Variants in FOXN3 observed in about 807,000 individuals in gnomAD.
FOXN3 encodes the protein forkhead box N3, also known as forkhead box protein N3.
Under a neutral mutation model 38.4 loss-of-function variants are expected in FOXN3, and 7 were observed. The ratio of observed to expected loss-of-function variants is 0.18; its 90% CI spans 0.10 to 0.34. FOXN3 has a LOEUF of 0.34. FOXN3 is among the 10% of genes least tolerant of loss of function. FOXN3 has a pLI of 1.00. For synonymous variants in FOXN3, 230 were observed against 242.2 expected, an observed-to-expected ratio of 0.95 and a Z score of 0.47; for missense variants, 456 against 613.4, an observed-to-expected ratio of 0.74 and a Z score of 2.71.
intron 1 of FOXN3, among the ~76,000 whole-genome samples, chr14:89,608,218 G>C (rs764644024): frequency 6.6e-6 from 1 of 152,270 alleles, no homozygotes; most frequent in African/African-American, 2.4e-5. Flanking sequence ...GGATGGTCTC[G>C]ATCTCCCGAC....
intron 1 of FOXN3, among the ~76,000 whole-genome samples, chr14:89,487,189 G>T (rs1194585685): frequency 6.6e-6 from 1 of 152,186 alleles, no homozygotes; most frequent in Non-Finnish European, 1.5e-5. Flanking sequence ...CAAGTTATCA[G>T]GCCATGGTTA....
In FOXN3 at chr14:89,444,007, C is replaced by CAAAAAAAAA. The variant is rs569571116; in HGVS notation, c.-14-31526_-14-31518dup. Among the ~76,000 whole-genome samples the CAAAAAAAAA allele has an allele frequency of 1.2e-4, 8 of 67,622 alleles. 1 individual carries two copies. The highest frequency in any genetic ancestry group is 7.2e-4 in the South Asian group (1 of 1,386). The allele number at this position is 67,622 out of a possible 152,430, so 44.4% of individuals were successfully genotyped here. A position where few individuals can be genotyped will look rare whatever the true frequency, so the allele number is the denominator to read the frequency against. On this transcript the variant is annotated intron_variant, in intron 1 of 6. Coordinates refer to the FOXN3 transcript ENST00000345097. ...CTGGGCAACAAGAATGAAACTCTGT[C>CAAAAAAAAA]AAAAAAAAAAAAAAAAAAAAAAGCA... is the stretch of plus-strand genomic sequence containing the variant.
intron 4 of FOXN3, among the ~76,000 whole-genome samples, chr14:89,208,300 G>A (rs541295452): frequency 2.6e-5 from 4 of 152,280 alleles, no homozygotes; most frequent in African/African-American, 7.2e-5. Flanking sequence ...TCAGGCATCC[G>A]CGCTTATTCC....
intron 1 of FOXN3, among the ~76,000 whole-genome samples, chr14:89,415,827 ACCTCCTT>A (rs202179283): frequency 0.16 from 21,478 of 137,812 alleles, 1,720 homozygotes; most frequent in East Asian, 0.22. Context: ...TTCACTGGTG[ACCTCCTT>A]ACAACTTTTC....
intron 3 of FOXN3, among the ~76,000 whole-genome samples, chr14:89,299,666 G>A (rs1248318095): frequency 2.6e-5 from 4 of 152,250 alleles, no homozygotes; most frequent in South Asian, 2.1e-4. Flanking sequence ...CACTTTGGCC[G>A]TGCTGACCCC....
At chr14:89,336,624 A>C (rs1211869109) in intron 3 of FOXN3, among the ~76,000 whole-genome samples, 2 of 152,182 alleles carry the variant, frequency 1.3e-5, no homozygotes, top group Admixed American at 6.5e-5. Flanking sequence ...AGCCTCTCAC[A>C]TGCTGTCTGT....
At chr14:89,236,864 C>T (rs1299895418) in intron 4 of FOXN3, among the ~76,000 whole-genome samples, 2 of 152,236 alleles carry the variant, frequency 1.3e-5, no homozygotes, top group Non-Finnish European at 2.9e-5. Flanking sequence ...CATCCTGATG[C>T]CAGGAGCTGA....
intron 4 of FOXN3, among the ~76,000 whole-genome samples, chr14:89,265,552 A>G (rs900704391): frequency 3.3e-5 from 5 of 152,170 alleles, no homozygotes; most frequent in African/African-American, 1.2e-4. Flanking sequence ...ACTTGGAAGC[A>G]CACAGATGAA....
At chr14:89,385,811 A>T (rs1890776629) in intron 2 of FOXN3, among the ~76,000 whole-genome samples, 1 of 152,226 alleles carries the variant, frequency 6.6e-6, no homozygotes, top group African/African-American at 2.4e-5. Flanking sequence ...CTGTCTCAAA[A>T]AACAAGGAGT....
intron 3 of FOXN3, among the ~76,000 whole-genome samples, chr14:89,336,424 AC>A (rs1277108590): frequency 1.3e-5 from 2 of 152,188 alleles, no homozygotes; most frequent in Non-Finnish European, 2.9e-5. Context: ...TTCCTTTTTA[AC>A]AAGTGATATG....
At chr14:89,493,739 A>C (rs1198175965) in intron 1 of FOXN3, among the ~76,000 whole-genome samples, 1 of 152,144 alleles carries the variant, frequency 6.6e-6, no homozygotes, top group East Asian at 1.9e-4. Flanking sequence ...ATACATTCAA[A>C]GACCTTAGTT....
At chr14:89,572,322 T>C (rs941372158) in intron 1 of FOXN3, among the ~76,000 whole-genome samples, 13 of 152,234 alleles carry the variant, frequency 8.5e-5, no homozygotes, top group Non-Finnish European at 1.2e-4. Flanking sequence ...AATTAAAAGA[T>C]TAATATATGT....
At chr14:89,394,212 C>CTT (rs35674375) in intron 2 of FOXN3, among the ~76,000 whole-genome samples, 2,240 of 109,502 alleles carry the variant, frequency 0.02, 137 homozygotes, top group African/African-American at 0.067. Context: ...GATCGACGTT[C>CTT]TTTTTTTTTT....
chr14:89,546,837 G>A (rs1596313702), intron 1 of FOXN3, among the ~76,000 whole-genome samples: 1 of 152,192 alleles, frequency 6.6e-6, no homozygotes, highest in Middle Eastern at 3.4e-3. Context: ...AGTCTGGAGT[G>A]CAGTGGCGTG....
At chr14:89,457,061 T>C (rs940130692) in intron 1 of FOXN3, among the ~76,000 whole-genome samples, 16 of 152,352 alleles carry the variant, frequency 1.1e-4, no homozygotes, top group African/African-American at 3.1e-4. Flanking sequence ...GCATGACCTG[T>C]AATCACAAGT....
chr14:89,316,848 A>C (rs1235259783), intron 3 of FOXN3, among the ~76,000 whole-genome samples: 3 of 152,048 alleles, frequency 2.0e-5, no homozygotes, highest in Admixed American at 6.6e-5. Flanking sequence ...TATTTTTAGT[A>C]GAGACGGGGT....
At chr14:89,445,566 G>A (rs961288548) in intron 1 of FOXN3, among the ~76,000 whole-genome samples, 2 of 152,172 alleles carry the variant, frequency 1.3e-5, no homozygotes, top group African/African-American at 2.4e-5. Context: ...GAGACCAAAA[G>A]TGCCCAGGGA....
At chr14:89,398,555 G>C (rs772906569) in intron 2 of FOXN3, among the ~76,000 whole-genome samples, 1 of 152,168 alleles carries the variant, frequency 6.6e-6, no homozygotes, top group Non-Finnish European at 1.5e-5. Context: ...CCATGGAGAT[G>C]ACAAGAAAAC....
At chr14:89,283,631 G>A (rs1178747567) in intron 3 of FOXN3, among the ~76,000 whole-genome samples, 1 of 152,082 alleles carries the variant, frequency 6.6e-6, no homozygotes, top group Admixed American at 6.5e-5. Flanking sequence ...GGGAGTGGCG[G>A]GTGAAGGGGA....
Sources: allele counts gnomAD v4.1 joint callset (sites outside exome capture counted in the v4.1 genomes callset), GRCh38; gene constraint gnomAD v4.1.1; transcripts MANE v1.5; gene names NCBI Gene and HGNC (gene_info 2026-07-23, HGNC 2026-07-21).